FOXP4: variants seen among roughly 807,000 people sequenced by gnomAD.
FOXP4 encodes forkhead box protein P4.
In FOXP4, 25 loss-of-function variants were observed where a neutral mutation model predicts 82.6. The observed-to-expected ratio is 0.30, with a 90% CI of 0.22 to 0.42. FOXP4 has a LOEUF of 0.42. FOXP4 is among the 10% of genes least tolerant of loss of function. The probability of loss-of-function intolerance (pLI) is 1.00; values close to 1 mark genes in which losing one functional copy is unlikely to be tolerated. For synonymous variants in FOXP4, 415 were observed against 388.2 expected (o/e 1.07, Z -0.81); for missense variants, 785 against 900.9 (o/e 0.87, Z 1.65).
chr6:41,557,115 T>G (rs1397298991), intron 1 of FOXP4, among the ~76,000 whole-genome samples: 3 of 152,158 alleles, frequency 2.0e-5, no homozygotes, highest in Non-Finnish European at 4.4e-5. Flanking sequence ...AGGTGAAGGC[T>G]CCCTACCCCA....
intron 2 of FOXP4, among the ~76,000 whole-genome samples, chr6:41,571,627 C>G (rs1298694960): frequency 6.6e-6 from 1 of 152,140 alleles, no homozygotes; most frequent in Non-Finnish European, 1.5e-5. Flanking sequence ...GCGCCGATGT[C>G]ATTTTTACGA....
chr6:41,551,247 C>A (rs1243781732), intron 1 of FOXP4, among the ~76,000 whole-genome samples: 1 of 152,246 alleles, frequency 6.6e-6, no homozygotes, highest in South Asian at 2.1e-4. Flanking sequence ...CACATCTGGA[C>A]AGGGCCGCAG....
chr6:41,588,502 G>A (rs1463094321), intron 8 of FOXP4, 142 bp from the exon 9 acceptor site: 16 of 808,512 alleles, frequency 2.0e-5, no homozygotes, highest in East Asian at 5.0e-5. Flanking sequence ...CCATTGCCCC[G>A]TTTTTCCACC....
chr6:41,577,359 C>T (rs1441815838), intron 2 of FOXP4, among the ~76,000 whole-genome samples: 1 of 152,132 alleles, frequency 6.6e-6, no homozygotes, highest in Admixed American at 6.5e-5. Context: ...AGGGCTCTTC[C>T]CTCATCCTCC....
intron 1 of FOXP4, among the ~76,000 whole-genome samples, chr6:41,564,737 GTT>G (rs1400970202): frequency 3.9e-5 from 6 of 152,184 alleles, no homozygotes; most frequent in African/African-American, 1.4e-4. Context: ...TGGAGAGTGA[GTT>G]AACCTTACTG....
Position 41,591,070 on chromosome 6 carries a change from C to T in FOXP4, c.1435-151C>T. ...CTCTGAGGGGACCCACCAGCCACCACCCATCTTGTTATCCACACATTTCTG... is the reference window on the plus strand; with the variant it reads ...CTCTGAGGGGACCCACCAGCCACCATCCATCTTGTTATCCACACATTTCTG... On this transcript the variant is annotated intron_variant, in intron 12 of 16. Transcript: ENST00000307972. This position sits in a 1 kb window ranked among gnomAD's most constrained non-coding sequence, Gnocchi z 4.2. The T allele has an allele frequency of 1.5e-6, 1 of 670,822 alleles. No homozygotes were observed. Among genetic ancestry groups the T allele is most frequent in the Non-Finnish European group, 2.6e-6 (1 of 380,136 alleles). The allele number at this position is 670,822 out of a possible 1,614,324, so 41.6% of individuals were successfully genotyped here.
chr6:41,561,747 C>CT (rs1764594144), intron 1 of FOXP4, among the ~76,000 whole-genome samples: 1 of 152,222 alleles, frequency 6.6e-6, no homozygotes, highest in Admixed American at 6.5e-5. Flanking sequence ...CCAGTATTCA[C>CT]TTAAGTACTG....
intron 2 of FOXP4, among the ~76,000 whole-genome samples, chr6:41,576,411 C>G (rs995668127): frequency 1.3e-5 from 2 of 152,160 alleles, no homozygotes; most frequent in African/African-American, 4.8e-5. Context: ...TGGTCACTCT[C>G]TTTGCTTGTT....
intron 1 of FOXP4, among the ~76,000 whole-genome samples, chr6:41,548,893 T>G (rs1240471208): frequency 6.8e-6 from 1 of 146,532 alleles, no homozygotes; most frequent in Non-Finnish European, 1.5e-5. Flanking sequence ...TGTTACCTGG[T>G]GGCTGGAGGG....
Position 41,590,320 on chromosome 6 carries a change from C to T in FOXP4, c.1407C>T (p.Pro469=), listed in dbSNP as rs749495523. Residue 469 remains proline (P), a synonymous_variant, in exon 12 of 17, where the codon CCC becomes CCT. Transcript: ENST00000307972. ...EFYKNADVRP[P]FTYASLIRQA... is the part of the protein sequence containing the mutation. The stretch of plus-strand genomic sequence containing the variant: ...ACAAGAACGCCGACGTCCGGCCCCC[C>T]TTCACCTACGCCTCCCTCATCCGCC... 6.2e-7 allele frequency: 1 copy of T among 1,613,986 alleles called. No homozygotes were observed. The highest frequency in any genetic ancestry group is 2.2e-5 in the East Asian group (1 of 44,884).
chr6:41,597,989 C>T (rs1319925989), intron 16 of FOXP4, 39 bp downstream of exon 16: 3 of 1,424,088 alleles, frequency 2.1e-6, no homozygotes, highest in Non-Finnish European at 2.8e-6. Flanking sequence ...CCCCAGCACC[C>T]CTCAACCACC....
chr6:41,597,576 G>A (rs1043476979), intron 15 of FOXP4, among the ~76,000 whole-genome samples: 3 of 152,116 alleles, frequency 2.0e-5, no homozygotes, highest in South Asian at 2.1e-4. Flanking sequence ...GTAGGAGGTC[G>A]GGGGGTCAGA....
At chr6:41,590,507 C>T (rs1766449191) in intron 12 of FOXP4, among the ~76,000 whole-genome samples, 160 bp downstream of exon 12, 1 of 152,190 alleles carries the variant, frequency 6.6e-6, no homozygotes. Context: ...CGGGGCTCTC[C>T]TGCAGGCTGG....
rs1350221406 is a variant in FOXP4 at position 41,578,202 on chromosome 6, CT to C, written c.300+125del. On this transcript the variant is annotated intron_variant, in intron 3 of 16. Coordinates refer to ENST00000307972, the MANE Select transcript of FOXP4 (RefSeq NM_001012426.2). Reference sequence around the variant, plus strand: ...AGTTCCAACACCAAAAAGTGGGCAACTTTTCAAAGGAAATACAGTCACTGCA... The same window carrying C: ...AGTTCCAACACCAAAAAGTGGGCAACTTTCAAAGGAAATACAGTCACTGCA... 3.9e-6 allele frequency: 3 copies of C among 778,100 alleles called. No homozygotes were observed. In the East Asian group the frequency reaches 8.1e-5, roughly 21 times the overall value. 48.2% of individuals were successfully genotyped at this position (778,100 alleles called of 1,614,324 possible). A position where few individuals can be genotyped will look rare whatever the true frequency, so the allele number is the denominator to read the frequency against.
intron 1 of FOXP4, among the ~76,000 whole-genome samples, chr6:41,560,020 C>T (rs1206293861): frequency 3.3e-5 from 5 of 152,226 alleles, no homozygotes; most frequent in African/African-American, 1.2e-4. Context: ...AATCTTACCT[C>T]TTATTGCAAT....
chr6:41,584,434 T>C (rs1314600028), intron 3 of FOXP4, among the ~76,000 whole-genome samples: 1 of 152,242 alleles, frequency 6.6e-6, no homozygotes, highest in African/African-American at 2.4e-5. Context: ...AGCCTAATCT[T>C]CCTGCTCTAA....
Position 41,589,798 on chromosome 6 carries a change from G to A in FOXP4, c.1093G>A (p.Ala365Thr). ...QLAKESERLQ[A>T]MMAHLHMRPS... Reference sequence around the variant, plus strand: ...CGCCAAGGAGAGCGAGCGGCTGCAGGCCATGATGGCCCACCTGCACATGCG... The same window carrying A: ...CGCCAAGGAGAGCGAGCGGCTGCAGACCATGATGGCCCACCTGCACATGCG... Residue 365 changes from alanine (A) to threonine (T), a missense_variant, in exon 10 of 17, where the codon GCC becomes ACC. By Grantham distance (58) the Ala-to-Thr change is moderately conservative. Coordinates refer to ENST00000307972, the MANE Select transcript of FOXP4 (RefSeq NM_001012426.2). 1 of 1,611,162 alleles carries A rather than the reference G, an allele frequency of 6.2e-7. No homozygotes were observed. The highest frequency in any genetic ancestry group is 8.5e-7 in the Non-Finnish European group (1 of 1,179,926).
intron 1 of FOXP4, among the ~76,000 whole-genome samples, chr6:41,549,175 T>C (rs1400446449): frequency 6.6e-6 from 1 of 152,062 alleles, no homozygotes; most frequent in Non-Finnish European, 1.5e-5. Context: ...TGGGAGACCA[T>C]GGGAGCCTTC....
In FOXP4 at chr6:41,590,034, TC is replaced by T; in HGVS notation, c.1222del (p.Leu408SerfsTer81). The T allele has an allele frequency of 6.2e-7, 1 of 1,613,886 alleles. No individual in the cohort carries two copies. On this transcript the variant is annotated frameshift_variant, in exon 11 of 17. Coordinates refer to ENST00000307972, the MANE Select transcript of FOXP4 (RefSeq NM_001012426.2). LOFTEE classifies it high-confidence loss of function. ...VSAADSFPDGLVHPPTSAAAP... is the reference protein window; with the variant it reads ...VSAADSFPDGXVHPPTSAAAP... The stretch of plus-strand genomic sequence containing the variant: ...CTGCAGCAGACTCATTCCCAGATGG[TC>T]TCGTGCACCCCCCGACCTCGGCCGC...
Sources: allele counts gnomAD v4.1 joint callset (sites outside exome capture counted in the v4.1 genomes callset), GRCh38; gene constraint gnomAD v4.1.1; non-coding constraint Gnocchi (gnomAD v3.1); transcripts MANE v1.5; gene names NCBI Gene and HGNC (gene_info 2026-07-23, HGNC 2026-07-21).